Variants in OSBPL10 observed in about 807,000 individuals in gnomAD.
OSBPL10 encodes the protein oxysterol-binding protein-related protein 10.
OSBPL10 carries 49 observed loss-of-function variants against 81.7 expected under a neutral mutation model. That is an observed-to-expected ratio of 0.60 (90% CI 0.48 to 0.76). OSBPL10 has a LOEUF of 0.76. OSBPL10 is among the 30% of genes least tolerant of loss of function. The probability of loss-of-function intolerance (pLI) is 0.00; values close to 1 mark genes in which losing one functional copy is unlikely to be tolerated. For synonymous variants in OSBPL10, 419 were observed against 383.6 expected, an observed-to-expected ratio of 1.09 and a Z score of -1.08; for missense variants, 923 against 987.8, an observed-to-expected ratio of 0.93 and a Z score of 0.88.
At chr3:31,906,044 C>T (rs1448947634) in intron 1 of OSBPL10, among the ~76,000 whole-genome samples, 1 of 152,118 alleles carries the variant, frequency 6.6e-6, no homozygotes, top group Non-Finnish European at 1.5e-5. Flanking sequence ...TGCTAAGTTT[C>T]TTCGATTCCA....
At chr3:31,780,074 T>A (rs7620146) in intron 4 of OSBPL10, among the ~76,000 whole-genome samples, 1 of 152,178 alleles carries the variant, frequency 6.6e-6, no homozygotes, top group Non-Finnish European at 1.5e-5. Flanking sequence ...AGGTGGATCA[T>A]GAGGTCAGGC....
At chr3:32,070,240 GT>G (rs1205611772) in intron 1 of OSBPL10, among the ~76,000 whole-genome samples, 5 of 152,096 alleles carry the variant, frequency 3.3e-5, no homozygotes, top group Non-Finnish European at 5.9e-5. Flanking sequence ...CCCCATAACT[GT>G]TGTGGGTATT....
chr3:31,718,638 T>C (rs536024351), intron 6 of OSBPL10: 2 of 152,348 alleles, frequency 1.3e-5, no homozygotes, highest in African/African-American at 4.8e-5. Flanking sequence ...TATGTAACAC[T>C]TTATTGGAAA....
intron 1 of OSBPL10, among the ~76,000 whole-genome samples, chr3:31,889,406 C>T (rs921874593): frequency 6.6e-6 from 1 of 152,020 alleles, no homozygotes; most frequent in Non-Finnish European, 1.5e-5. Flanking sequence ...GCTGGGTGTC[C>T]AACAACAGAT....
intron 4 of OSBPL10, among the ~76,000 whole-genome samples, chr3:31,769,458 A>C (rs1698301369): frequency 3.4e-5 from 3 of 88,880 alleles, no homozygotes; most frequent in African/African-American, 1.3e-4. Flanking sequence ...AAAAAAAAAA[A>C]CAAAAAAAAA....
chr3:31,882,419 G>A (rs1431081323), intron 1 of OSBPL10, among the ~76,000 whole-genome samples: 1 of 152,186 alleles, frequency 6.6e-6, no homozygotes, highest in African/African-American at 2.4e-5. Context: ...CATTGCCTGG[G>A]ATCTTGTTAG....
chr3:31,929,427 A>G (rs1414157732), intron 1 of OSBPL10, among the ~76,000 whole-genome samples: 1 of 152,186 alleles, frequency 6.6e-6, no homozygotes, highest in Non-Finnish European at 1.5e-5. Context: ...TAATCAAAGA[A>G]AATACTTCAT....
intron 7 of OSBPL10, among the ~76,000 whole-genome samples, chr3:31,694,169 A>C (rs1575480617): frequency 1.3e-5 from 2 of 152,086 alleles, no homozygotes; most frequent in South Asian, 4.1e-4. Flanking sequence ...TCAGGAGTTC[A>C]AGACCAGCCT....
chr3:32,026,051 G>GATAC (rs1699405508), intron 2 of OSBPL10, among the ~76,000 whole-genome samples: 1 of 110,552 alleles, frequency 9.0e-6, no homozygotes. Flanking sequence ...TAGATAGATA[G>GATAC]ATAGATGATA....
intron 7 of OSBPL10, among the ~76,000 whole-genome samples, chr3:31,698,891 C>A (rs931745200): frequency 6.6e-6 from 1 of 152,178 alleles, no homozygotes; most frequent in Non-Finnish European, 1.5e-5. Context: ...TCTCCATCTC[C>A]TTTTCTTTTC....
chr3:31,664,502 T>TA (rs1256835436), intron 10 of OSBPL10: 3 of 555,520 alleles, frequency 5.4e-6, no homozygotes, highest in East Asian at 6.1e-5. Context: ...CTAATAGTAG[T>TA]AGTTGGCATT....
chr3:31,816,199 G>A (rs1699829439), intron 4 of OSBPL10, among the ~76,000 whole-genome samples: 1 of 152,200 alleles, frequency 6.6e-6, no homozygotes, highest in Admixed American at 6.5e-5. Flanking sequence ...TACGTGGAGG[G>A]ATGATCAGCC....
chr3:31,709,299 T>C (rs1203657275), intron 6 of OSBPL10: 1 of 152,274 alleles, frequency 6.6e-6, no homozygotes, highest in Non-Finnish European at 1.5e-5. Flanking sequence ...TCTTATAGAC[T>C]GGAAGGACAG....
At chr3:31,899,835 TTAGCTGAGTATGATGGCACACACCTGTGG>T (rs938223632) in intron 1 of OSBPL10, among the ~76,000 whole-genome samples, 2 of 152,010 alleles carry the variant, frequency 1.3e-5, no homozygotes, top group Non-Finnish European at 2.9e-5. Context: ...ATTTTTTTAA[TTAGCTGAGTATGATGGCACACACCTGTGG>T]TCCCAGCATA....
At chr3:31,951,542 T>C (rs1284527446) in intron 1 of OSBPL10, among the ~76,000 whole-genome samples, 6 of 151,938 alleles carry the variant, frequency 3.9e-5, no homozygotes, top group Non-Finnish European at 8.8e-5. Flanking sequence ...CTAGAGTGAA[T>C]GGTGAGCTCA....
intron 1 of OSBPL10, among the ~76,000 whole-genome samples, chr3:31,885,294 CACAT>C (rs1221752648): frequency 6.6e-6 from 1 of 152,064 alleles, no homozygotes; most frequent in Non-Finnish European, 1.5e-5. Flanking sequence ...TGTTCACACT[CACAT>C]ACTCACAAAC....
intron 6 of OSBPL10, chr3:31,717,221 T>A (rs1696470298): frequency 6.6e-6 from 1 of 152,112 alleles, no homozygotes; most frequent in Admixed American, 6.5e-5. Flanking sequence ...ACATACAGGG[T>A]AGCAGCCCAG....
intron 5 of OSBPL10, among the ~76,000 whole-genome samples, chr3:31,737,497 G>T (rs1697215965): frequency 6.6e-6 from 1 of 152,108 alleles, no homozygotes; most frequent in South Asian, 2.1e-4. Context: ...AAGAAAACAG[G>T]CTGAGGTGAA....
At chr3:32,016,321 T>C (rs1486143698) in intron 2 of OSBPL10, among the ~76,000 whole-genome samples, 1 of 152,078 alleles carries the variant, frequency 6.6e-6, no homozygotes, top group Non-Finnish European at 1.5e-5. Flanking sequence ...CTGGAAACCA[T>C]CATTCTCAGC....
Sources: gnomAD v4.1 joint callset for allele counts (sites outside exome capture counted in the v4.1 genomes callset) on GRCh38, gnomAD v4.1.1 for gene constraint, MANE v1.5 for transcripts, NCBI Gene and HGNC (gene_info 2026-07-23, HGNC 2026-07-21) for gene names.